PIKFYVE: variants seen among roughly 807,000 people sequenced by gnomAD.
PIKFYVE encodes phosphoinositide kinase, FYVE-type zinc finger containing.
PIKFYVE carries 122 observed loss-of-function variants against 257.9 expected under a neutral mutation model. That is an observed-to-expected ratio of 0.47 (90% CI 0.41 to 0.55). The LOEUF is 0.55. Among genes scored for constraint, PIKFYVE ranks in the 20% least tolerant of loss-of-function variants. The pLI is 0.00. For missense variants in PIKFYVE, 2,160 were observed against 2,536.6 expected (o/e 0.85, Z 3.19); for synonymous variants, 892 against 868.9 (o/e 1.03, Z -0.47).
chr2:208,285,343 C>G (rs1691426120), intron 5 of PIKFYVE, among the ~76,000 whole-genome samples: 1 of 152,208 alleles, frequency 6.6e-6, no homozygotes, highest in South Asian at 2.1e-4. Flanking sequence ...TGATCTGCCG[C>G]CTCGGCCTCC....
At position 208,296,455 on chromosome 2, in the gene PIKFYVE, G is replaced by C. The variant is rs1410858480; in HGVS notation, c.912-2186G>C. 2.6e-5 allele frequency among the ~76,000 whole-genome samples: 4 copies of C among 152,308 alleles called. No individual in the cohort carries two copies. In the East Asian group the frequency reaches 7.7e-4, roughly 29 times the overall value. Reference sequence around the variant, plus strand: ...GTGGAATTACCAACTGGGAGGAACAGTTTGGTTTTAGATGTGTTGAATTTG... The same window carrying C: ...GTGGAATTACCAACTGGGAGGAACACTTTGGTTTTAGATGTGTTGAATTTG... On this transcript the variant is annotated intron_variant, in intron 7 of 41. Coordinates refer to ENST00000264380, the MANE Select transcript of PIKFYVE (RefSeq NM_015040.4).
At position 208,358,103 on chromosome 2, in the gene PIKFYVE, G is replaced by C. The variant is rs1700262405; in HGVS notation, c.*2798G>C. 6.6e-6 allele frequency: 1 copy of C among 152,232 alleles called. No individual in the cohort carries two copies. Among genetic ancestry groups the C allele is most frequent in the African/African-American group, 2.4e-5 (1 of 41,436 alleles). The allele number at this position is 152,232 out of a possible 1,614,324, so 9.4% of individuals were successfully genotyped here. A position where few individuals can be genotyped will look rare whatever the true frequency, so the allele number is the denominator to read the frequency against. Reference sequence around the variant, plus strand: ...ATAATTTTTTCCATGATTTAGCAGTGAGTGATTTTCTAGCTTTGGCTCTTA... The same window carrying C: ...ATAATTTTTTCCATGATTTAGCAGTCAGTGATTTTCTAGCTTTGGCTCTTA... On this transcript the variant is annotated 3_prime_UTR_variant, in exon 42 of 42. Transcript: ENST00000264380.
At chr2:208,348,443 T>C (rs1014687641) in intron 35 of PIKFYVE, among the ~76,000 whole-genome samples, 7 of 152,196 alleles carry the variant, frequency 4.6e-5, no homozygotes, top group African/African-American at 1.2e-4. Context: ...CCCTTTCATT[T>C]TGACATTTAA....
chr2:208,271,693 T>G lies in PIKFYVE; in HGVS notation c.172+2T>G. On this transcript the variant is annotated splice_donor_variant, in intron 2 of 41. Coordinates refer to ENST00000264380, the MANE Select transcript of PIKFYVE (RefSeq NM_015040.4). LOFTEE classifies it high-confidence loss of function. ...TAAATCTCTTTCGTTTTAACAAAGG[T>G]AAGACTTATTAAAGATAAGAGGTTT... 6.2e-7 allele frequency: 1 copy of G among 1,609,790 alleles called. No homozygotes were observed. Among genetic ancestry groups the G allele is most frequent in the Non-Finnish European group, 8.5e-7 (1 of 1,176,104 alleles).
chr2:208,334,791 A>G (rs1468681891), intron 24 of PIKFYVE, among the ~76,000 whole-genome samples: 1 of 152,232 alleles, frequency 6.6e-6, no homozygotes, highest in Non-Finnish European at 1.5e-5. Context: ...TGTCTGGCAC[A>G]TAATAGACCC....
At position 208,271,599 on chromosome 2, in the gene PIKFYVE, TCACA is replaced by T; in HGVS notation, c.84_87del (p.His29LeufsTer4). The T allele has an allele frequency of 6.2e-7, 1 of 1,614,110 alleles. No individual in the cohort carries two copies. On this transcript the variant is annotated frameshift_variant, in exon 2 of 42. Transcript: ENST00000264380. LOFTEE classifies it high-confidence loss of function. ...CGATCTCCTACTAGTCCTTCTCATC[TCACA>T]CACTTTAAACCTTTGACTCCTGATC...
Position 208,312,216 on chromosome 2 carries a change from G to A in PIKFYVE, c.1637-20G>A, listed in dbSNP as rs371704763. 6.3e-7 allele frequency: 1 copy of A among 1,593,500 alleles called. No homozygotes were observed. Among genetic ancestry groups the A allele is most frequent in the Non-Finnish European group, 8.6e-7 (1 of 1,162,108 alleles). ...GTCTCTACTTTTGTTCCTCCTCTCT[G>A]TTGTCTCCCTGGTATGCAGAGTATT... On this transcript the variant is annotated intron_variant, in intron 12 of 41. Transcript: ENST00000264380.
chr2:208,293,263 G>T (rs548517217), intron 7 of PIKFYVE, among the ~76,000 whole-genome samples: 8 of 151,924 alleles, frequency 5.3e-5, no homozygotes, highest in African/African-American at 1.9e-4. Context: ...ATATAAGCAT[G>T]CGTACATACA....
At chr2:208,318,017 G>A (rs1453565370) in intron 16 of PIKFYVE, 76 bp downstream of exon 16, 6 of 1,417,474 alleles carry the variant, frequency 4.2e-6, no homozygotes, top group Non-Finnish European at 6.0e-6. Flanking sequence ...GGGCACCTTA[G>A]TTATGGAAGA....
chr2:208,267,998 A>G (rs1477206335), intron 1 of PIKFYVE, among the ~76,000 whole-genome samples: 1 of 152,218 alleles, frequency 6.6e-6, no homozygotes, highest in Non-Finnish European at 1.5e-5. Context: ...TAGTAGCCTT[A>G]ATTAGAAATG....
chr2:208,324,552 C>T (rs1323337614), intron 18 of PIKFYVE, among the ~76,000 whole-genome samples: 2 of 152,026 alleles, frequency 1.3e-5, no homozygotes, highest in African/African-American at 4.8e-5. Flanking sequence ...GTTGATCCTT[C>T]ATTTTTGTTG....
chr2:208,345,084 C>G (rs747269275), intron 32 of PIKFYVE, 27 bp from the exon 33 acceptor site: 1 of 1,460,446 alleles, frequency 6.8e-7, no homozygotes, highest in Admixed American at 1.7e-5. Context: ...TAATGTTTAA[C>G]GTTTTTCAAC....
intron 31 of PIKFYVE, among the ~76,000 whole-genome samples, chr2:208,341,396 G>C (rs540467423): frequency 4.0e-5 from 6 of 151,682 alleles, no homozygotes; most frequent in Admixed American, 6.6e-5. Context: ...ATTCAGTCCT[G>C]TTCTTTCTAA....
In PIKFYVE at chr2:208,304,918, C is replaced by T; in HGVS notation, c.1541C>T (p.Ser514Phe). The T allele has an allele frequency of 6.2e-7, 1 of 1,614,152 alleles. No homozygotes were observed. Among genetic ancestry groups the T allele is most frequent in the Non-Finnish European group, 8.5e-7 (1 of 1,180,018 alleles). The part of the protein sequence containing the change: ...QSTVDSDSAA[S>F]ISLNVELDNV... ...ACAGTGGACAGTGACTCAGCCGCTT[C>T]TATCAGCCTGAACGTGGAGCTGGAC... The change falls in exon 12 of 42, where the codon TCT (serine) becomes TTT (phenylalanine). Residue 514 changes from serine (S) to phenylalanine (F), a missense_variant. By Grantham distance (155) the Ser-to-Phe change is radical (BLOSUM62 -2). Around this residue, in one of 12 missense-constraint regions of PIKFYVE, gnomAD observed 346 missense variants for 365.6 expected, o/e 0.95. Transcript: ENST00000264380.
At chr2:208,328,070 C>T in intron 20 of PIKFYVE, 110 bp from the exon 21 acceptor site, 1 of 1,580,248 alleles carries the variant, frequency 6.3e-7, no homozygotes, top group African/African-American at 1.3e-5. Flanking sequence ...TTGACCAGAG[C>T]CCCCACAGTG....
At chr2:208,332,198 AAAC>A (rs1697624193) in intron 23 of PIKFYVE, among the ~76,000 whole-genome samples, 1 of 152,210 alleles carries the variant, frequency 6.6e-6, no homozygotes, top group African/African-American at 2.4e-5. Context: ...AATGGCTACT[AAAC>A]AAATAAATAA....
rs981487685 is a variant in PIKFYVE, at chr2:208,301,041, T to C, written c.1155T>C (p.Ile385=). 1.9e-6 allele frequency: 3 copies of C among 1,614,126 alleles called. No homozygotes were observed. The highest frequency in any genetic ancestry group is 8.5e-7 in the Non-Finnish European group (1 of 1,179,990). ...RYWLRTHPNC[I]VGKELVNWLI... is the part of the protein sequence containing the mutation. ...GGTTGAGAACGCATCCCAACTGCATTGTAGGAAAGGAATTAGTCAACTGGC... is the reference window on the plus strand; with the variant it reads ...GGTTGAGAACGCATCCCAACTGCATCGTAGGAAAGGAATTAGTCAACTGGC... Residue 385 remains isoleucine (I), a synonymous_variant, in exon 9 of 42, where the codon ATT becomes ATC. Coordinates refer to ENST00000264380, the MANE Select transcript of PIKFYVE (RefSeq NM_015040.4).
At chr2:208,336,510 T>G (rs549216790) in intron 27 of PIKFYVE, among the ~76,000 whole-genome samples, 1 of 152,268 alleles carries the variant, frequency 6.6e-6, no homozygotes, top group Non-Finnish European at 1.5e-5. Context: ...ATGCCATAAG[T>G]CACTATTGGT....
chr2:208,315,239 C>T lies in PIKFYVE; in HGVS notation c.1873C>T (p.His625Tyr), dbSNP rs770263151. 3.4e-5 allele frequency: 55 copies of T among 1,613,978 alleles called. No homozygotes were observed. Among genetic ancestry groups the T allele is most frequent in the Non-Finnish European group, 4.6e-5 (54 of 1,179,990 alleles). ...HMMALLQQLL[H>Y]SDSLSSSWRD... Reference sequence around the variant, plus strand: ...GATGGCACTACTCCAGCAGTTGCTCCATAGTGACTCACTGTCATCATCTTG... The same window carrying T: ...GATGGCACTACTCCAGCAGTTGCTCTATAGTGACTCACTGTCATCATCTTG... Residue 625 changes from histidine to tyrosine, a missense_variant, in exon 15 of 42, where the codon CAT becomes TAT. Physicochemically the swap from His to Tyr is moderately conservative, Grantham distance 83 (BLOSUM62 2). Coordinates refer to ENST00000264380, the MANE Select transcript of PIKFYVE (RefSeq NM_015040.4).
Sources: allele counts gnomAD v4.1 joint callset (sites outside exome capture counted in the v4.1 genomes callset), GRCh38; gene constraint gnomAD v4.1.1; regional missense constraint gnomAD v4.1.1; transcripts MANE v1.5; gene names NCBI Gene and HGNC (gene_info 2026-07-23, HGNC 2026-07-21).